Variants in SLC25A21 observed in about 807,000 individuals in gnomAD.
SLC25A21 encodes the protein solute carrier family 25 member 21, also known as mitochondrial 2-oxodicarboxylate carrier.
A neutral mutation model predicts 43.8 loss-of-function variants in SLC25A21; 47 were observed. That is an observed-to-expected ratio of 1.07 (90% CI 0.85 to 1.37). The LOEUF (loss-of-function observed/expected upper bound fraction) is 1.37, where lower values mean the gene tolerates loss of function less well. Among genes scored for constraint, SLC25A21 ranks in the 40% most tolerant of loss-of-function variants. SLC25A21 has a pLI of 0.00. For missense variants in SLC25A21, 352 were observed against 350.2 expected (o/e 1.00, Z -0.04); for synonymous variants, 131 against 121.3 (o/e 1.08, Z -0.52).
intron 1 of SLC25A21, among the ~76,000 whole-genome samples, chr14:36,909,913 C>T (rs531673846): frequency 1.1e-4 from 16 of 152,186 alleles, no homozygotes; most frequent in African/African-American, 3.9e-4. Context: ...TAAATACGAA[C>T]ATTGGCAGTA....
chr14:36,734,553 C>T lies in SLC25A21; in HGVS notation c.224G>A (p.Gly75Glu), dbSNP rs780255591. Residue 75 changes from glycine (G) to glutamate (E), a missense_variant, in exon 4 of 10, where the codon GGA becomes GAA. Coordinates refer to ENST00000331299, the MANE Select transcript of SLC25A21 (RefSeq NM_030631.4). ...QMEGLFGFYK[G>E]ILPPILAETP... is the part of the protein sequence containing the mutation. ...TTCAGCCAAGATAGGTGGCAGAATT[C>T]CCTTGTAAAAACCAAATAACCTGTT... is the stretch of plus-strand genomic sequence containing the variant. 1.9e-6 allele frequency: 3 copies of T among 1,606,844 alleles called. No individual in the cohort carries two copies. The South Asian group carries it at 3.4e-5, about 18-fold the overall frequency.
intron 2 of SLC25A21, among the ~76,000 whole-genome samples, chr14:36,864,240 A>G (rs74047030): frequency 0.023 from 3,513 of 152,318 alleles, 134 homozygotes; most frequent in African/African-American, 0.081. Context: ...GATGAATTTA[A>G]TTTGTATTAA....
At chr14:37,003,472 G>C (rs940851263) in intron 1 of SLC25A21, among the ~76,000 whole-genome samples, 5 of 152,168 alleles carry the variant, frequency 3.3e-5, no homozygotes, top group African/African-American at 1.2e-4. Context: ...AAGAGGGGGG[G>C]ACTATTGTAT....
chr14:36,955,733 T>A (rs1186153533), intron 1 of SLC25A21, among the ~76,000 whole-genome samples: 2 of 152,158 alleles, frequency 1.3e-5, no homozygotes, highest in Non-Finnish European at 2.9e-5. Flanking sequence ...AAGGTTGTTT[T>A]TTTTTGTTTT....
chr14:36,849,436 A>G (rs1889653084), intron 2 of SLC25A21, among the ~76,000 whole-genome samples: 1 of 152,214 alleles, frequency 6.6e-6, no homozygotes, highest in Non-Finnish European at 1.5e-5. Context: ...TTATATATTT[A>G]TGTTTCATAA....
chr14:37,138,622 T>C (rs1235655698), intron 1 of SLC25A21, among the ~76,000 whole-genome samples: 2 of 152,114 alleles, frequency 1.3e-5, no homozygotes, highest in African/African-American at 2.4e-5. Flanking sequence ...TCTTATCTTT[T>C]ATCTATTTCA....
chr14:36,862,973 T>C (rs1890115676), intron 2 of SLC25A21, among the ~76,000 whole-genome samples: 1 of 152,086 alleles, frequency 6.6e-6, no homozygotes, highest in South Asian at 2.1e-4. Context: ...GCTAAATAAG[T>C]AGATTAATGA....
intron 1 of SLC25A21, among the ~76,000 whole-genome samples, chr14:36,990,224 G>A (rs1226530222): frequency 5.3e-5 from 8 of 152,136 alleles, no homozygotes; most frequent in Admixed American, 3.3e-4. Context: ...CTAAGACAGC[G>A]GATGTGAAAA....
At chr14:37,020,682 G>T (rs1271176619) in intron 1 of SLC25A21, among the ~76,000 whole-genome samples, 1 of 151,672 alleles carries the variant, frequency 6.6e-6, no homozygotes, top group Non-Finnish European at 1.5e-5. Flanking sequence ...TGTATCCTGT[G>T]GTATATGCAT....
At chr14:36,892,881 T>A (rs907429955) in intron 1 of SLC25A21, among the ~76,000 whole-genome samples, 8 of 152,166 alleles carry the variant, frequency 5.3e-5, no homozygotes, top group African/African-American at 1.9e-4. Flanking sequence ...CATGAACTCA[T>A]CCTTTTTTAT....
chr14:36,973,554 G>T (rs1380666023), intron 1 of SLC25A21, among the ~76,000 whole-genome samples: 1 of 152,204 alleles, frequency 6.6e-6, no homozygotes, highest in Non-Finnish European at 1.5e-5. Context: ...GTTCAGCAGG[G>T]AATGAGGAAG....
At chr14:36,868,885 C>G (rs1024021222) in intron 2 of SLC25A21, among the ~76,000 whole-genome samples, 4 of 152,178 alleles carry the variant, frequency 2.6e-5, no homozygotes, top group African/African-American at 9.6e-5. Context: ...AAGCAGAGGA[C>G]TTCTCCCATC....
chr14:36,705,169 T>C (rs1367145480), intron 7 of SLC25A21, among the ~76,000 whole-genome samples: 2 of 151,822 alleles, frequency 1.3e-5, no homozygotes, highest in Non-Finnish European at 2.9e-5. Context: ...GCCTCCCAAG[T>C]AGCTGGGACT....
At chr14:36,754,508 A>C (rs1885849096) in intron 3 of SLC25A21, among the ~76,000 whole-genome samples, 1 of 152,200 alleles carries the variant, frequency 6.6e-6, no homozygotes, top group African/African-American at 2.4e-5. Context: ...ATTTGATTTC[A>C]TCTTTATTTA....
intron 1 of SLC25A21, among the ~76,000 whole-genome samples, chr14:37,120,491 T>G (rs1963188177): frequency 6.6e-6 from 1 of 152,200 alleles, no homozygotes; most frequent in East Asian, 1.9e-4. Flanking sequence ...TTTAAGTCCT[T>G]TCTGCCTTTT....
chr14:36,712,420 G>A (rs891455087), intron 6 of SLC25A21, among the ~76,000 whole-genome samples: 6 of 151,626 alleles, frequency 4.0e-5, no homozygotes, highest in Non-Finnish European at 7.4e-5. Context: ...AAAGCAGGTT[G>A]TTAGCGTGGT....
At chr14:36,914,787 T>C (rs7160798) in intron 1 of SLC25A21, among the ~76,000 whole-genome samples, 2,413 of 152,296 alleles carry the variant, frequency 0.016, 61 homozygotes, top group African/African-American at 0.054. Context: ...GATTTAATCA[T>C]AGCTAGTGGT....
chr14:36,948,366 T>A (rs1892725019), intron 1 of SLC25A21, among the ~76,000 whole-genome samples: 1 of 152,188 alleles, frequency 6.6e-6, no homozygotes, highest in Non-Finnish European at 1.5e-5. Flanking sequence ...TCAGTTATGC[T>A]TGTCATTCTC....
chr14:36,880,120 C>T (rs772991847), intron 1 of SLC25A21, among the ~76,000 whole-genome samples: 7 of 152,114 alleles, frequency 4.6e-5, no homozygotes, highest in Non-Finnish European at 1.0e-4. Context: ...TGCTCAGCAT[C>T]ACAATGTGAC....
Sources: allele counts gnomAD v4.1 joint callset (sites outside exome capture counted in the v4.1 genomes callset), GRCh38; gene constraint gnomAD v4.1.1; transcripts MANE v1.5; gene names NCBI Gene and HGNC (gene_info 2026-07-23, HGNC 2026-07-21).